SBF2: variants seen among roughly 807,000 people sequenced by gnomAD.
SBF2 encodes SET binding factor 2.
Under a neutral mutation model 225.2 loss-of-function variants are expected in SBF2, and 112 were observed. That is an observed-to-expected ratio of 0.50 (90% CI 0.43 to 0.58). The LOEUF (loss-of-function observed/expected upper bound fraction) is 0.58, where lower values mean the gene tolerates loss of function less well. Among genes scored for constraint, SBF2 ranks in the 20% least tolerant of loss-of-function variants. The pLI is 0.00. For missense variants in SBF2, 1,996 were observed against 2,206.2 expected (o/e 0.90, Z 1.91); for synonymous variants, 763 against 773.3 (o/e 0.99, Z 0.22).
At chr11:10,150,389 C>G (rs1320477441) in intron 2 of SBF2, among the ~76,000 whole-genome samples, 1 of 152,088 alleles carries the variant, frequency 6.6e-6, no homozygotes, top group African/African-American at 2.4e-5. Context: ...GGGCGAAACA[C>G]TATTTTCATT....
chr11:10,287,612 AATGT>A (rs201948988), intron 1 of SBF2, among the ~76,000 whole-genome samples: 8,655 of 152,246 alleles, frequency 0.057, 326 homozygotes, highest in Middle Eastern at 0.13. Flanking sequence ...TGGCTACACT[AATGT>A]ATGTATTTGT....
intron 33 of SBF2, among the ~76,000 whole-genome samples, chr11:9,795,320 A>G (rs1853055664): frequency 6.6e-6 from 1 of 152,196 alleles, no homozygotes; most frequent in Non-Finnish European, 1.5e-5. Context: ...TCCTCATGTG[A>G]TCATCATGGC....
At chr11:10,169,671 T>C (rs1308276619) in intron 2 of SBF2, among the ~76,000 whole-genome samples, 1 of 152,200 alleles carries the variant, frequency 6.6e-6, no homozygotes, top group Non-Finnish European at 1.5e-5. Flanking sequence ...GATAAACTGA[T>C]TTCCTTTCTT....
At chr11:9,938,222 T>C (rs999728803) in intron 16 of SBF2, among the ~76,000 whole-genome samples, 23 of 149,688 alleles carry the variant, frequency 1.5e-4, no homozygotes, top group African/African-American at 5.4e-4. Flanking sequence ...ACCCGGCAGG[T>C]GGAGCTTGCA....
chr11:10,030,836 C>A (rs967254167), intron 4 of SBF2, among the ~76,000 whole-genome samples: 1 of 152,186 alleles, frequency 6.6e-6, no homozygotes, highest in Non-Finnish European at 1.5e-5. Context: ...ACAAACACTA[C>A]ATCCTTAGAA....
intron 3 of SBF2, among the ~76,000 whole-genome samples, chr11:10,038,031 A>T (rs1949512226): frequency 1.3e-5 from 2 of 152,034 alleles, no homozygotes; most frequent in Admixed American, 6.6e-5. Context: ...CCATTGATTT[A>T]TAAAGCTTCT....
At chr11:9,833,186 G>A (rs1855501648) in intron 26 of SBF2, among the ~76,000 whole-genome samples, 2 of 152,152 alleles carry the variant, frequency 1.3e-5, no homozygotes, top group Admixed American at 1.3e-4. Context: ...TGTCAAATGA[G>A]TTTAAATAGT....
intron 2 of SBF2, among the ~76,000 whole-genome samples, chr11:10,077,231 A>T (rs1407887741): frequency 6.6e-6 from 1 of 152,192 alleles, no homozygotes; most frequent in Non-Finnish European, 1.5e-5. Flanking sequence ...TACGGCTCAA[A>T]GTAATTTATA....
chr11:10,015,663 T>G (rs1386499954), intron 6 of SBF2, among the ~76,000 whole-genome samples: 1 of 152,162 alleles, frequency 6.6e-6, no homozygotes, highest in Non-Finnish European at 1.5e-5. Context: ...AAGCATAGCA[T>G]TCAAAGCTGA....
intron 32 of SBF2, 26 bp from the exon 33 acceptor site, chr11:9,795,983 A>C: frequency 6.2e-7 from 1 of 1,609,962 alleles, no homozygotes; most frequent in Non-Finnish European, 8.5e-7. Flanking sequence ...CAAAGAAAAG[A>C]GTAAGAATCA....
At chr11:10,296,905 T>C (rs189498667), upstream of SBF2, among the ~76,000 whole-genome samples, 2 of 152,210 alleles carry the variant, frequency 1.3e-5, no homozygotes, top group Admixed American at 6.5e-5. Flanking sequence ...GCTATCTTAG[T>C]GTGAAGTGAT....
chr11:9,965,265 C>T (rs562998295), intron 14 of SBF2, among the ~76,000 whole-genome samples: 95 of 151,316 alleles, frequency 6.3e-4, no homozygotes, highest in African/African-American at 2.3e-3. Context: ...CTCATCAATA[C>T]AAAACCTATA....
At chr11:9,913,780 C>A (rs925247571) in intron 16 of SBF2, among the ~76,000 whole-genome samples, 1 of 152,166 alleles carries the variant, frequency 6.6e-6, no homozygotes, top group Non-Finnish European at 1.5e-5. Flanking sequence ...GACCAAATCA[C>A]AGAACTACAG....
intron 16 of SBF2, among the ~76,000 whole-genome samples, chr11:9,916,952 C>T (rs1258449552): frequency 6.6e-6 from 1 of 150,440 alleles, no homozygotes; most frequent in East Asian, 1.9e-4. Context: ...TCTTGTTTGG[C>T]TTGGGCCTTC....
intron 16 of SBF2, among the ~76,000 whole-genome samples, chr11:9,899,171 A>G (rs2134145514): frequency 6.6e-6 from 1 of 152,078 alleles, no homozygotes; most frequent in Admixed American, 6.5e-5. Context: ...CTGACTATAA[A>G]TCTTCAAGGT....
chr11:10,060,586 A>G (rs1950403978), intron 2 of SBF2, among the ~76,000 whole-genome samples: 1 of 152,150 alleles, frequency 6.6e-6, no homozygotes, highest in Non-Finnish European at 1.5e-5. Context: ...AGAGAAAGAA[A>G]ACCTCAGGCC....
intron 3 of SBF2, among the ~76,000 whole-genome samples, chr11:10,039,505 T>C (rs1263461570): frequency 6.6e-6 from 1 of 151,936 alleles, no homozygotes; most frequent in Non-Finnish European, 1.5e-5. Context: ...CTATCCGCAT[T>C]TTCAAAATCT....
chr11:10,051,648 A>C (rs1454378642), intron 2 of SBF2, among the ~76,000 whole-genome samples: 2 of 152,150 alleles, frequency 1.3e-5, no homozygotes, highest in Non-Finnish European at 2.9e-5. Context: ...TGCATTTAAA[A>C]ATACCATTAG....
chr11:10,249,532 C>T (rs910388544), intron 1 of SBF2, among the ~76,000 whole-genome samples: 1 of 151,972 alleles, frequency 6.6e-6, no homozygotes, highest in African/African-American at 2.4e-5. Context: ...AACATTGTTG[C>T]CTTTTTAAAA....
Sources: gnomAD v4.1 joint callset for allele counts (sites outside exome capture counted in the v4.1 genomes callset) on GRCh38, gnomAD v4.1.1 for gene constraint, MANE v1.5 for transcripts, NCBI Gene and HGNC (gene_info 2026-07-23, HGNC 2026-07-21) for gene names.